The following NEK5 variants were observed in gnomAD, a reference collection of about 807,000 sequenced individuals.
The protein encoded by NEK5 is serine/threonine-protein kinase Nek5.
NEK5 carries 88 observed loss-of-function variants against 109.2 expected under a neutral mutation model. The observed-to-expected ratio is 0.81, with a 90% confidence interval of 0.68 to 0.96. NEK5 has a LOEUF of 0.96. NEK5 is among the 40% of genes least tolerant of loss of function. The pLI is 0.00. For missense variants in NEK5, 834 were observed against 920.7 expected (o/e 0.91, Z 1.22); for synonymous variants, 283 against 299.9 (o/e 0.94, Z 0.58).
In NEK5 at chr13:52,089,525, G is replaced by A. The variant is rs570706264; in HGVS notation, c.1209-212C>T. Among the ~76,000 whole-genome samples the A allele has an allele frequency of 3.3e-5, 5 of 152,232 alleles. No individual in the cohort carries two copies. The East Asian group carries it at 9.6e-4, about 29-fold the overall frequency. ...AAAAAGGATGAAGAGTAACAAGTGG[G>A]GATACAGGAGAGGATTAAACAGAAA... On this transcript the variant is annotated intron_variant, in intron 13 of 23. Transcript: ENST00000684899.
intron 17 of NEK5, among the ~76,000 whole-genome samples, chr13:52,079,836 A>C (rs896326334): frequency 6.7e-6 from 1 of 148,624 alleles, no homozygotes; most frequent in Non-Finnish European, 1.5e-5. Flanking sequence ...CCCCGCCGCC[A>C]TCCCATCTAG....
chr13:52,123,218 T>C (rs1162354516), intron 3 of NEK5, among the ~76,000 whole-genome samples: 3 of 152,174 alleles, frequency 2.0e-5, no homozygotes, highest in Non-Finnish European at 4.4e-5. Flanking sequence ...AATGTTAATA[T>C]TGTGACACAG....
chr13:52,092,485 G>A (rs2137937374), intron 13 of NEK5, among the ~76,000 whole-genome samples: 1 of 152,284 alleles, frequency 6.6e-6, no homozygotes, highest in East Asian at 1.9e-4. Context: ...AGCACTTTAG[G>A]AGGCCAAGGC....
chr13:52,090,656 C>T (rs966425339), intron 13 of NEK5, among the ~76,000 whole-genome samples: 3 of 152,170 alleles, frequency 2.0e-5, no homozygotes, highest in Non-Finnish European at 4.4e-5. Flanking sequence ...GATTCCAACA[C>T]CCAGGGGCTG....
intron 14 of NEK5, 101 bp downstream of exon 14, chr13:52,089,146 T>C (rs1955221431): frequency 1.3e-6 from 1 of 749,670 alleles, no homozygotes; most frequent in Non-Finnish European, 2.3e-6. Context: ...GTAGAGAGTA[T>C]TCTTGACCTT....
chr13:52,087,425 A>C lies in NEK5; in HGVS notation c.1305T>G (p.Asn435Lys). 1 of 1,609,712 alleles carries C rather than the reference A, an allele frequency of 6.2e-7. No homozygotes were observed. The highest frequency in any genetic ancestry group is 1.3e-5 in the African/African-American group (1 of 74,942). The change falls in exon 15 of 24, where the codon AAT becomes AAG. Residue 435 changes from asparagine (N) to lysine (K), a missense_variant. Around this residue, in one of 2 missense-constraint regions of NEK5, gnomAD observed 777 missense variants for 824.7 expected, o/e 0.94. Coordinates refer to ENST00000684899, the MANE Select transcript of NEK5 (RefSeq NM_001365552.1). ...TTCTTAGCTCTTGTCTCTGGTTGTA[A>C]TTTGGCTCGGCAGAAGATGGACGAA... ...LGLRPSSAEP[N>K]YNQRQELRSN...
chr13:52,106,274 T>C (rs1955653327), intron 8 of NEK5, among the ~76,000 whole-genome samples: 1 of 152,170 alleles, frequency 6.6e-6, no homozygotes, highest in Non-Finnish European at 1.5e-5. Context: ...CTTCCATTTA[T>C]CTCCTTCAAA....
intron 17 of NEK5, among the ~76,000 whole-genome samples, chr13:52,077,779 G>T (rs1204934896): frequency 1.3e-5 from 2 of 152,138 alleles, no homozygotes; most frequent in African/African-American, 4.8e-5. Context: ...ACCACATAAA[G>T]ATTTGTACAT....
chr13:52,076,873 G>A (rs1046798359), intron 17 of NEK5, among the ~76,000 whole-genome samples: 4 of 152,166 alleles, frequency 2.6e-5, no homozygotes, highest in African/African-American at 9.7e-5. Flanking sequence ...TTAGCACAGT[G>A]GACATGACCA....
In NEK5 at chr13:52,061,969, T is replaced by G. The variant is rs940020658; in HGVS notation, c.1976-16A>C. ...ACTTGGCCATCTGAAGAGGAAAGTG[T>G]TATTAAAAATAAAAATGCTTCTTCA... On this transcript the variant is annotated splice_polypyrimidine_tract_variant and intron_variant, in intron 21 of 23. Coordinates refer to ENST00000684899, the MANE Select transcript of NEK5 (RefSeq NM_001365552.1). 1 of 447,918 alleles carries G rather than the reference T, an allele frequency of 2.2e-6. No homozygotes were observed. The highest frequency in any genetic ancestry group is 2.1e-5 in the African/African-American group (1 of 46,976). The allele number at this position is 447,918 out of a possible 1,614,324, so 27.7% of individuals were successfully genotyped here.
intron 23 of NEK5, among the ~76,000 whole-genome samples, chr13:52,045,832 G>T (rs1233385610): frequency 6.6e-6 from 1 of 151,370 alleles, no homozygotes; most frequent in Non-Finnish European, 1.5e-5. Flanking sequence ...CAGCACTTTG[G>T]GAGGCTGAGG....
rs911391070 is a variant in NEK5 at position 52,094,041 on chromosome 13, G to A, written c.1027-806C>T. On this transcript the variant is annotated intron_variant, in intron 12 of 23. Coordinates refer to ENST00000684899, the MANE Select transcript of NEK5 (RefSeq NM_001365552.1). The stretch of plus-strand genomic sequence containing the variant: ...ATGCTGAATCAGAATCATTCTTCCA[G>A]AGAAAATATTAAAAAAGGTCATATA... Among the ~76,000 whole-genome samples, 4 of 152,262 alleles carry A rather than the reference G, an allele frequency of 2.6e-5. No homozygotes were observed. In the South Asian group the frequency reaches 8.3e-4, roughly 32 times the overall value.
chr13:52,096,483 C>T (rs879437577), intron 12 of NEK5, among the ~76,000 whole-genome samples: 1 of 152,152 alleles, frequency 6.6e-6, no homozygotes, highest in Non-Finnish European at 1.5e-5. Flanking sequence ...CAGCAAAGGA[C>T]ACTTTTGTTA....
At chr13:52,052,438 T>G (rs1954514150) in intron 22 of NEK5, among the ~76,000 whole-genome samples, 1 of 152,130 alleles carries the variant, frequency 6.6e-6, no homozygotes. Context: ...GGTATAAGAC[T>G]CCTATTGGGG....
In NEK5 at chr13:52,108,376, C is replaced by T. The variant is rs760010059; in HGVS notation, c.496G>A (p.Gly166Arg). 6.2e-7 allele frequency: 1 copy of T among 1,608,890 alleles called. No individual in the cohort carries two copies. Among genetic ancestry groups the T allele is most frequent in the South Asian group, 1.1e-5 (1 of 90,372 alleles). The change falls in exon 8 of 24, where the codon GGA becomes AGA. Residue 166 changes from glycine to arginine, a missense_variant. Around this residue, in one of 2 missense-constraint regions of NEK5, gnomAD observed 777 missense variants for 824.7 expected, o/e 0.94. Coordinates refer to ENST00000684899, the MANE Select transcript of NEK5 (RefSeq NM_001365552.1). Reference protein sequence around the residue: ...NSMELARTCIGTPYYLSPEIC... With the variant: ...NSMELARTCIRTPYYLSPEIC... ...TCTGGGGACAGGTAGTAAGGTGTTC[C>T]AATACAAGTTCGAGCAAGTTCCATG...
chr13:52,056,282 C>A (rs1326781393), intron 22 of NEK5, among the ~76,000 whole-genome samples: 1 of 151,956 alleles, frequency 6.6e-6, no homozygotes, highest in East Asian at 1.9e-4. Context: ...TACAGGAGCA[C>A]CCAGATTCAT....
intron 16 of NEK5, among the ~76,000 whole-genome samples, chr13:52,084,756 AGAGAGAGTGTGTGTGTGTGT>A (rs1481954216): frequency 2.5e-3 from 129 of 52,230 alleles, no homozygotes; most frequent in African/African-American, 5.4e-3. Flanking sequence ...AGAGAGAGAG[AGAGAGAGTGTGTGTGTGTGT>A]GTGTGTGTGT....
At chr13:52,117,435 G>T (rs942939766) in intron 4 of NEK5, among the ~76,000 whole-genome samples, 2 of 152,140 alleles carry the variant, frequency 1.3e-5, no homozygotes, top group African/African-American at 4.8e-5. Flanking sequence ...AAACACAGGG[G>T]TGCTCTACTT....
chr13:52,063,244 C>T (rs75013793), intron 21 of NEK5, among the ~76,000 whole-genome samples: 7 of 152,366 alleles, frequency 4.6e-5, no homozygotes, highest in Middle Eastern at 3.4e-3. Flanking sequence ...GACTGGTTTT[C>T]GTACTTTTTT....
Sources: allele counts gnomAD v4.1 joint callset (sites outside exome capture counted in the v4.1 genomes callset), GRCh38; gene constraint gnomAD v4.1.1; regional missense constraint gnomAD v4.1.1; transcripts MANE v1.5; gene names NCBI Gene and HGNC (gene_info 2026-07-23, HGNC 2026-07-21).